PHTF1: variants seen among roughly 807,000 people sequenced by gnomAD.
The protein encoded by PHTF1 is protein PHTF1.
A neutral mutation model predicts 102.4 loss-of-function variants in PHTF1; 88 were observed. The ratio of observed to expected loss-of-function variants is 0.86; its 90% confidence interval spans 0.72 to 1.03. The LOEUF (loss-of-function observed/expected upper bound fraction) is 1.03. Among genes scored for constraint, PHTF1 ranks in the 50% least tolerant of loss-of-function variants. The pLI, the probability that PHTF1 is intolerant of heterozygous loss-of-function variation, is 0.00. For synonymous variants in PHTF1, 289 were observed against 305.2 expected (o/e 0.95, Z 0.55); for missense variants, 814 against 909.5 (o/e 0.89, Z 1.35).
chr1:113,745,794 C>CT (rs1657140008), intron 3 of PHTF1, among the ~76,000 whole-genome samples: 1 of 152,210 alleles, frequency 6.6e-6, no homozygotes, highest in African/African-American at 2.4e-5. Context: ...CCAGATGGGA[C>CT]TGTCTAGTTG....
chr1:113,698,064 G>A (rs1648983368), intron 18 of PHTF1, among the ~76,000 whole-genome samples, 198 bp downstream of exon 18: 2 of 151,880 alleles, frequency 1.3e-5, no homozygotes, highest in Admixed American at 1.3e-4. Context: ...TTATATTTGT[G>A]TAAAATGAGA....
chr1:113,722,869 G>A (rs1230642), intron 7 of PHTF1, among the ~76,000 whole-genome samples: 121,844 of 150,734 alleles, frequency 0.81, 50,268 homozygotes, highest in African/African-American at 0.96. Context: ...GCAGTGAGCC[G>A]AGATCGCGCC....
chr1:113,697,509 A>G lies in PHTF1; in HGVS notation c.*196T>C. The G allele has an allele frequency of 3.8e-6, 2 of 525,692 alleles. No individual in the cohort carries two copies. The highest frequency in any genetic ancestry group is 2.4e-5 in the South Asian group (1 of 41,514). 32.6% of individuals were successfully genotyped at this position (525,692 alleles called of 1,614,324 possible). On this transcript the variant is annotated 3_prime_UTR_variant, in exon 19 of 19. Coordinates refer to ENST00000369604, the MANE Select transcript of PHTF1 (RefSeq NM_001323043.2). ...CATGTTGTTTGAAAAGCATGAAAATACAGGTTTTTAGCATGCACACCCAGT... is the reference window on the plus strand; with the variant it reads ...CATGTTGTTTGAAAAGCATGAAAATGCAGGTTTTTAGCATGCACACCCAGT...
intron 5 of PHTF1, 59 bp downstream of exon 5, chr1:113,738,051 T>C (rs143495567): frequency 1.7e-5 from 21 of 1,246,366 alleles, no homozygotes; most frequent in African/African-American, 9.0e-5. Context: ...GTCTTCATTA[T>C]TTAATAGCAA....
chr1:113,728,689 A>G (rs530992984), intron 5 of PHTF1, among the ~76,000 whole-genome samples: 1 of 152,362 alleles, frequency 6.6e-6, no homozygotes, highest in South Asian at 2.1e-4. Context: ...TGAGCAGATC[A>G]CTTGAGGTGA....
At chr1:113,742,647 A>G (rs889776755) in intron 3 of PHTF1, among the ~76,000 whole-genome samples, 1 of 152,056 alleles carries the variant, frequency 6.6e-6, no homozygotes, top group Non-Finnish European at 1.5e-5. Flanking sequence ...AAGATAAAAA[A>G]TGGTACACCT....
At chr1:113,723,633 A>C (rs569781755) in intron 7 of PHTF1, among the ~76,000 whole-genome samples, 19 of 152,326 alleles carry the variant, frequency 1.2e-4, no homozygotes, top group Non-Finnish European at 4.4e-5. Context: ...AATAAAAGTT[A>C]ATTAAAGAAC....
At chr1:113,757,002 C>A (rs1216695530) in intron 3 of PHTF1, among the ~76,000 whole-genome samples, 1 of 151,994 alleles carries the variant, frequency 6.6e-6, no homozygotes, top group Non-Finnish European at 1.5e-5. Flanking sequence ...CCCGTCTCTA[C>A]TAAAAATACA....
rs748669659 is a variant in PHTF1, at chr1:113,738,146, T to C, written c.295A>G (p.Ile99Val). 1 of 1,612,706 alleles carries C rather than the reference T, an allele frequency of 6.2e-7. No homozygotes were observed. The highest frequency in any genetic ancestry group is 1.1e-5 in the South Asian group (1 of 91,002). Residue 99 changes from isoleucine to valine, a missense_variant, in exon 5 of 19, where the codon ATC (isoleucine) becomes GTC (valine). Transcript: ENST00000369604. ...TAAAGTAGTAACAGCCAAACAAAGA[T>C]TCTTAAAGAGGTAACCTGAATCCAC... ...NWWIQVTSLR[I>V]FVWLLLLYFM...
chr1:113,724,552 A>C (rs556731739), intron 7 of PHTF1, among the ~76,000 whole-genome samples: 6 of 152,082 alleles, frequency 3.9e-5, no homozygotes, highest in Non-Finnish European at 8.8e-5. Flanking sequence ...AAAAAAAAAA[A>C]AAAAAACAGA....
chr1:113,716,300 G>A (rs1455857233), intron 7 of PHTF1, among the ~76,000 whole-genome samples: 2 of 151,484 alleles, frequency 1.3e-5, no homozygotes, highest in African/African-American at 4.8e-5. Flanking sequence ...TACAGGCTAG[G>A]AGAGAGTGGT....
intron 11 of PHTF1, among the ~76,000 whole-genome samples, chr1:113,708,162 A>ACTC (rs1378573663): frequency 1.3e-5 from 2 of 152,188 alleles, no homozygotes; most frequent in African/African-American, 4.8e-5. Flanking sequence ...TAGAATTATC[A>ACTC]CTCTGGCTGT....
intron 3 of PHTF1, among the ~76,000 whole-genome samples, chr1:113,756,774 AATT>A (rs1658943186): frequency 6.6e-6 from 1 of 152,206 alleles, no homozygotes; most frequent in Admixed American, 6.5e-5. Flanking sequence ...TGGCATTCTG[AATT>A]ATATAACAGT....
intron 13 of PHTF1, 110 bp downstream of exon 13, chr1:113,705,780 T>C (rs1650046733): frequency 2.7e-6 from 2 of 751,786 alleles, no homozygotes; most frequent in African/African-American, 1.8e-5. Context: ...TTATCAATCC[T>C]TTATTGCCCA....
At chr1:113,700,687 G>C (rs1031521441) in intron 16 of PHTF1, 107 bp downstream of exon 16, 1 of 1,018,330 alleles carries the variant, frequency 9.8e-7, no homozygotes, top group Non-Finnish European at 1.4e-6. Context: ...CCTGTAGCTA[G>C]AAAGTGACAG....
At chr1:113,724,093 C>T (rs928267028) in intron 7 of PHTF1, among the ~76,000 whole-genome samples, 5 of 152,104 alleles carry the variant, frequency 3.3e-5, no homozygotes, top group Non-Finnish European at 2.9e-5. Context: ...GTTAAAATGG[C>T]TTTTAGGCAA....
At chr1:113,721,896 A>G (rs1030457006) in intron 7 of PHTF1, among the ~76,000 whole-genome samples, 2 of 151,372 alleles carry the variant, frequency 1.3e-5, no homozygotes, top group Non-Finnish European at 2.9e-5. Flanking sequence ...GGGTTTCACC[A>G]TGTTAACCAG....
intron 3 of PHTF1, among the ~76,000 whole-genome samples, chr1:113,754,936 T>C (rs1658622183): frequency 6.6e-6 from 1 of 152,168 alleles, no homozygotes; most frequent in South Asian, 2.1e-4. Context: ...ACAAGTCTTA[T>C]ACTTCTGTTT....
chr1:113,734,757 C>G (rs1010485039), intron 5 of PHTF1, among the ~76,000 whole-genome samples: 1 of 152,110 alleles, frequency 6.6e-6, no homozygotes. Flanking sequence ...TCACATATAA[C>G]CAGTTGGTTA....
Sources: gnomAD v4.1 joint callset for allele counts (sites outside exome capture counted in the v4.1 genomes callset) on GRCh38, gnomAD v4.1.1 for gene constraint, MANE v1.5 for transcripts, NCBI Gene and HGNC (gene_info 2026-07-23, HGNC 2026-07-21) for gene names.